The following FKBP15 variants were observed in gnomAD, a reference collection of about 807,000 sequenced individuals.
FKBP15 encodes FK506-binding protein 15.
Under a neutral mutation model 158.1 loss-of-function variants are expected in FKBP15, and 106 were observed. The ratio of observed to expected loss-of-function variants is 0.67; its 90% CI spans 0.57 to 0.79. The LOEUF (loss-of-function observed/expected upper bound fraction) is 0.79. Among genes scored for constraint, FKBP15 ranks in the 30% least tolerant of loss-of-function variants. FKBP15 has a pLI of 0.00. For missense variants in FKBP15, 1,287 were observed against 1,479.1 expected (o/e 0.87, Z 2.13); for synonymous variants, 547 against 548.6 (o/e 1.00, Z 0.04).
At chr9:113,220,892 G>A (rs1260520100) in intron 1 of FKBP15, among the ~76,000 whole-genome samples, 1 of 152,164 alleles carries the variant, frequency 6.6e-6, no homozygotes, top group Non-Finnish European at 1.5e-5. Flanking sequence ...AAAATTCTGA[G>A]GCAGGAAGTC....
chr9:113,187,766 ATAAT>A, intron 14 of FKBP15, 23 bp downstream of exon 14: 1 of 1,542,334 alleles, frequency 6.5e-7, no homozygotes, highest in Non-Finnish European at 9.0e-7. Context: ...ATTATAGGAT[ATAAT>A]TAATACGGTT....
intron 1 of FKBP15, among the ~76,000 whole-genome samples, chr9:113,218,825 T>C (rs1831196845): frequency 6.6e-6 from 1 of 152,218 alleles, no homozygotes; most frequent in Non-Finnish European, 1.5e-5. Flanking sequence ...CTAGGCTTTT[T>C]CCTATCTTTT....
chr9:113,199,644 C>T (rs1587968470), intron 7 of FKBP15, among the ~76,000 whole-genome samples, 170 bp downstream of exon 7: 1 of 152,214 alleles, frequency 6.6e-6, no homozygotes. Context: ...GGATCTTTTA[C>T]ACATTCACAT....
At chr9:113,202,667 G>T in intron 5 of FKBP15, 38 bp from the exon 6 acceptor site, 1 of 1,471,288 alleles carries the variant, frequency 6.8e-7, no homozygotes, top group Non-Finnish European at 9.3e-7. Flanking sequence ...TCCACAAGCA[G>T]TATTATACCA....
intron 6 of FKBP15, among the ~76,000 whole-genome samples, chr9:113,201,902 T>C (rs1036727940): frequency 2.0e-5 from 3 of 152,244 alleles, no homozygotes; most frequent in African/African-American, 7.2e-5. Context: ...CTGTATCTAC[T>C]TATGTATATT....
chr9:113,168,607 C>T (rs2118854825), intron 26 of FKBP15, 51 bp from the exon 27 acceptor site: 1 of 1,513,538 alleles, frequency 6.6e-7, no homozygotes, highest in South Asian at 1.1e-5. Context: ...CTCCAGGTCA[C>T]AGTACCCACC....
chr9:113,207,190 G>T (rs771701416), intron 3 of FKBP15, 22 bp downstream of exon 3: 7 of 1,593,992 alleles, frequency 4.4e-6, no homozygotes, highest in Non-Finnish European at 6.0e-6. Flanking sequence ...ACTTCAGAGG[G>T]TGTTCCTTCT....
chr9:113,176,116 C>G (rs1268034335), intron 21 of FKBP15, among the ~76,000 whole-genome samples: 1 of 152,160 alleles, frequency 6.6e-6, no homozygotes. Context: ...ACATAAATAT[C>G]CATCGATAGG....
rs1288782057 is a variant in FKBP15 at position 113,182,849 on chromosome 9, G to A, written c.1831C>T (p.Leu611=). 1 of 1,613,566 alleles carries A rather than the reference G, an allele frequency of 6.2e-7. No homozygotes were observed. Among genetic ancestry groups the A allele is most frequent in the African/African-American group, 1.3e-5 (1 of 74,912 alleles). Residue 611 remains leucine, a synonymous_variant, in exon 19 of 28, where the codon CTG becomes TTG. Coordinates refer to ENST00000238256, the MANE Select transcript of FKBP15 (RefSeq NM_015258.2). Reference sequence around the variant, plus strand: ...GAGTTGTTCCTCTTCTCCATCATCAGGTTACTCTGCTCAACATACCTGTGA... The same window carrying A: ...GAGTTGTTCCTCTTCTCCATCATCAAGTTACTCTGCTCAACATACCTGTGA... The part of the protein sequence containing the change: ...RNQRYVEQSN[L]MMEKRNNSLQ...
intron 11 of FKBP15, among the ~76,000 whole-genome samples, chr9:113,192,793 G>A (rs951469978): frequency 1.3e-5 from 2 of 152,142 alleles, no homozygotes; most frequent in Non-Finnish European, 2.9e-5. Context: ...TTTTACACAT[G>A]AGGAAATAAA....
chr9:113,211,314 A>G (rs1389120127), intron 2 of FKBP15, among the ~76,000 whole-genome samples, 163 bp downstream of exon 2: 1 of 151,986 alleles, frequency 6.6e-6, no homozygotes, highest in Non-Finnish European at 1.5e-5. Context: ...ACACGCCACC[A>G]CACCTGGCTA....
Position 113,162,771 on chromosome 9 carries a change from C to T in FKBP15, c.*3307G>A, listed in dbSNP as rs768743130. The T allele has an allele frequency of 1.9e-6, 3 of 1,613,000 alleles. No homozygotes were observed. The highest frequency in any genetic ancestry group is 2.5e-6 in the Non-Finnish European group (3 of 1,179,488). On this transcript the variant is annotated 3_prime_UTR_variant, in exon 28 of 28. Coordinates refer to ENST00000238256, the MANE Select transcript of FKBP15 (RefSeq NM_015258.2). ...TAGGTGGTATTTGTGTCACTTTGGC[C>T]AGTCTCTAATCCATGTCATCCAGGT...
intron 1 of FKBP15, among the ~76,000 whole-genome samples, chr9:113,215,928 G>A (rs1359375561): frequency 6.6e-6 from 1 of 151,608 alleles, no homozygotes; most frequent in African/African-American, 2.4e-5. Context: ...TGGGATTATA[G>A]GTGTGAGCCA....
intron 6 of FKBP15, among the ~76,000 whole-genome samples, chr9:113,200,315 G>C (rs564144710): frequency 1.3e-5 from 2 of 152,276 alleles, no homozygotes; most frequent in African/African-American, 4.8e-5. Flanking sequence ...AAGGTACCTG[G>C]CAAATAATAG....
At chr9:113,188,626 C>T (rs1830523604) in intron 12 of FKBP15, 135 bp from the exon 13 acceptor site, 2 of 680,074 alleles carry the variant, frequency 2.9e-6, no homozygotes, top group African/African-American at 3.6e-5. Flanking sequence ...AAGCGGAAGG[C>T]CAAGAGTTGA....
intron 4 of FKBP15, among the ~76,000 whole-genome samples, chr9:113,205,424 A>G (rs1052915393): frequency 3.3e-4 from 51 of 152,350 alleles, no homozygotes; most frequent in African/African-American, 1.2e-3. Context: ...GATACTCAAC[A>G]TTAGACATTG....
In FKBP15 at chr9:113,170,528, C is replaced by T. The variant is rs200106798; in HGVS notation, c.2760G>A (p.Thr920=). The part of the protein sequence containing the change: ...GRTILGTIMN[T]IKMVTLQLLN... ...GACAGCTGGCTGGCTGTACCTTGAT[C>T]GTATTCATGATGGTTCCCAGAATGG... The change falls in exon 25 of 28, where the codon ACG becomes ACA. Residue 920 remains threonine, a synonymous_variant. Coordinates refer to ENST00000238256, the MANE Select transcript of FKBP15 (RefSeq NM_015258.2). 367 of 1,609,362 alleles carry T rather than the reference C, an allele frequency of 2.3e-4. No individual in the cohort carries two copies. The highest frequency in any genetic ancestry group is 2.8e-4 in the Admixed American group (17 of 59,988).
At chr9:113,167,424 CCCT>C (rs1159494771) in intron 27 of FKBP15, among the ~76,000 whole-genome samples, 1 of 152,112 alleles carries the variant, frequency 6.6e-6, no homozygotes, top group Admixed American at 6.5e-5. Context: ...TGGTTTTTCC[CCCT>C]TTTTTCCTTT....
intron 18 of FKBP15, among the ~76,000 whole-genome samples, chr9:113,183,082 T>C (rs74350149): frequency 0.01 from 1,523 of 151,904 alleles, 19 homozygotes; most frequent in African/African-American, 0.028. Context: ...CTACCCTGAA[T>C]AATGGAGAGG....
Sources: gnomAD v4.1 joint callset for allele counts (sites outside exome capture counted in the v4.1 genomes callset) on GRCh38, gnomAD v4.1.1 for gene constraint, MANE v1.5 for transcripts, NCBI Gene and HGNC (gene_info 2026-07-23, HGNC 2026-07-21) for gene names.